Variants in INPP4B observed in about 807,000 individuals in gnomAD.
INPP4B encodes the protein inositol polyphosphate 4-phosphatase type II.
In INPP4B, 55 loss-of-function variants were observed where a neutral mutation model predicts 122.5. The observed-to-expected ratio is 0.45, with a 90% CI of 0.36 to 0.56. INPP4B has a LOEUF of 0.56. Among genes scored for constraint, INPP4B ranks in the 20% least tolerant of loss-of-function variants. The pLI is 0.00. For missense variants in INPP4B, 1,000 were observed against 1,097.7 expected (o/e 0.91, Z 1.26); for synonymous variants, 403 against 388.7 (o/e 1.04, Z -0.43).
chr4:142,057,618 T>G (rs984402724), intron 25 of INPP4B, among the ~76,000 whole-genome samples: 4 of 152,190 alleles, frequency 2.6e-5, no homozygotes, highest in African/African-American at 9.6e-5. Flanking sequence ...GTATAAAGAT[T>G]ATGGATATTC....
intron 23 of INPP4B, among the ~76,000 whole-genome samples, chr4:142,098,012 A>G (rs1397088270): frequency 1.3e-5 from 2 of 152,140 alleles, no homozygotes; most frequent in African/African-American, 4.8e-5. Context: ...GGCTATAAAA[A>G]ACTTTAAGAG....
chr4:142,761,039 A>G (rs757454114), intron 1 of INPP4B, among the ~76,000 whole-genome samples: 1 of 152,040 alleles, frequency 6.6e-6, no homozygotes, highest in Non-Finnish European at 1.5e-5. Context: ...TATTCTCCCA[A>G]ATCTTGCAAC....
chr4:142,533,331 A>C (rs1303825774), intron 2 of INPP4B, among the ~76,000 whole-genome samples: 4 of 152,174 alleles, frequency 2.6e-5, no homozygotes, highest in Admixed American at 6.6e-5. Context: ...CCTTTTAGGA[A>C]GATTGTATGG....
intron 2 of INPP4B, among the ~76,000 whole-genome samples, chr4:142,554,224 A>C (rs572720871): frequency 1.3e-5 from 2 of 150,854 alleles, no homozygotes; most frequent in East Asian, 1.9e-4. Flanking sequence ...AAAAAGCCAG[A>C]GTCATCCACT....
intron 8 of INPP4B, chr4:142,306,014 T>A (rs1277127761): frequency 1.0e-5 from 8 of 765,932 alleles, no homozygotes; most frequent in Non-Finnish European, 1.3e-5. Context: ...AATGTTATAT[T>A]TTTCCCCCAT....
intron 1 of INPP4B, among the ~76,000 whole-genome samples, chr4:142,814,685 T>G (rs1399221968): frequency 6.6e-6 from 1 of 151,966 alleles, no homozygotes; most frequent in Non-Finnish European, 1.5e-5. Context: ...ATTGGAGCAA[T>G]AAAATTCATA....
intron 2 of INPP4B, among the ~76,000 whole-genome samples, chr4:142,511,945 A>G (rs563187946): frequency 3.3e-5 from 5 of 152,310 alleles, no homozygotes; most frequent in Admixed American, 6.5e-5. Context: ...ATACTCCAGC[A>G]AAACTTTGAG....
Position 142,783,644 on chromosome 4 carries a change from T to C in INPP4B, c.-253-57743A>G, listed in dbSNP as rs146328179. On this transcript the variant is annotated intron_variant, in intron 1 of 25. Coordinates refer to ENST00000262992, the MANE Select transcript of INPP4B (RefSeq NM_001101669.3). ...AATATCACATTTTGCAACACTGGGA[T>C]TATGATAAACAGAAATTTAGAATCC... Among the ~76,000 whole-genome samples, 377 of 152,258 alleles carry C rather than the reference T, an allele frequency of 2.5e-3. 5 individuals carry two copies. Among genetic ancestry groups the C allele is most frequent in the East Asian group, 0.018 (95 of 5,186 alleles).
chr4:142,035,953 T>G (rs904786615), intron 25 of INPP4B, among the ~76,000 whole-genome samples: 11 of 152,082 alleles, frequency 7.2e-5, no homozygotes, highest in African/African-American at 2.7e-4. Context: ...ACTTTCATTT[T>G]AGATACAGGG....
intron 2 of INPP4B, among the ~76,000 whole-genome samples, chr4:142,541,597 C>A (rs1204905270): frequency 6.6e-6 from 1 of 152,188 alleles, no homozygotes; most frequent in African/African-American, 2.4e-5. Context: ...GCTTGCTTTG[C>A]AGAAATGAAG....
At chr4:142,341,338 A>T (rs543424299) in intron 7 of INPP4B, among the ~76,000 whole-genome samples, 3 of 152,338 alleles carry the variant, frequency 2.0e-5, no homozygotes, top group South Asian at 2.1e-4. Context: ...AGTTATACTT[A>T]AAAAAACCTA....
chr4:142,579,319 A>G (rs1161971204), intron 2 of INPP4B, among the ~76,000 whole-genome samples: 1 of 152,058 alleles, frequency 6.6e-6, no homozygotes, highest in Non-Finnish European at 1.5e-5. Context: ...ATGGCCTTTC[A>G]GAGTTAGAAA....
At chr4:142,741,408 G>A (rs903034306) in intron 1 of INPP4B, among the ~76,000 whole-genome samples, 5 of 151,874 alleles carry the variant, frequency 3.3e-5, no homozygotes, top group Admixed American at 3.3e-4. Flanking sequence ...ACTCCAAGGG[G>A]ATAGTGCTGA....
intron 16 of INPP4B, among the ~76,000 whole-genome samples, chr4:142,161,906 G>A (rs1820313044): frequency 6.6e-6 from 1 of 151,752 alleles, no homozygotes; most frequent in Non-Finnish European, 1.5e-5. Flanking sequence ...AAATGGAACA[G>A]GAATGAAGTT....
At chr4:142,734,021 G>A (rs986081) in intron 1 of INPP4B, among the ~76,000 whole-genome samples, 9,959 of 152,160 alleles carry the variant, frequency 0.065, 373 homozygotes, top group African/African-American at 0.087. Flanking sequence ...TCTGTTATGG[G>A]CTCAATTGCA....
chr4:142,560,436 T>C (rs554655706), intron 2 of INPP4B: 1 of 152,048 alleles, frequency 6.6e-6, no homozygotes, highest in South Asian at 2.1e-4. Flanking sequence ...GAAGGGGAGT[T>C]TATTAGGAGA....
chr4:142,032,435 A>G (rs1740863520), intron 25 of INPP4B, among the ~76,000 whole-genome samples: 1 of 152,162 alleles, frequency 6.6e-6, no homozygotes, highest in Admixed American at 6.5e-5. Context: ...TTCCCCTATA[A>G]GAACCCCCCA....
chr4:142,356,714 T>C (rs1376179163), intron 7 of INPP4B, among the ~76,000 whole-genome samples: 7 of 151,292 alleles, frequency 4.6e-5, no homozygotes, highest in African/African-American at 1.5e-4. Flanking sequence ...GTTCCTGACA[T>C]AGAGCTTCTA....
intron 11 of INPP4B, among the ~76,000 whole-genome samples, chr4:142,256,865 A>G (rs1736442615): frequency 6.6e-6 from 1 of 152,196 alleles, no homozygotes; most frequent in Admixed American, 6.5e-5. Context: ...TGAGGCCAGC[A>G]TCATCCTGAT....
Sources: gnomAD v4.1 joint callset for allele counts (sites outside exome capture counted in the v4.1 genomes callset) on GRCh38, gnomAD v4.1.1 for gene constraint, MANE v1.5 for transcripts, NCBI Gene and HGNC (gene_info 2026-07-23, HGNC 2026-07-21) for gene names.